The following MYT1L variants were observed in gnomAD, a reference collection of about 807,000 sequenced individuals.
The protein encoded by MYT1L is myelin transcription factor 1 like.
In MYT1L, 12 loss-of-function variants were observed where a neutral mutation model predicts 126.7. The observed-to-expected ratio is 0.09, with a 90% CI of 0.06 to 0.15. The LOEUF (loss-of-function observed/expected upper bound fraction) is 0.15. Ranked by LOEUF, MYT1L falls within the 10% of genes least tolerant of loss-of-function variation. The pLI, the probability that MYT1L is intolerant of heterozygous loss-of-function variation, is 1.00. For synonymous variants in MYT1L, 541 were observed against 604.2 expected (o/e 0.90, Z 1.53); for missense variants, 979 against 1,585.2 (o/e 0.62, Z 6.49).
chr2:1,791,370 T>C lies in MYT1L; in HGVS notation c.*497A>G. On this transcript the variant is annotated 3_prime_UTR_variant, in exon 25 of 25. Coordinates refer to ENST00000647738, the MANE Select transcript of MYT1L (RefSeq NM_001303052.2). This position sits in a 1 kb window ranked among gnomAD's most constrained non-coding sequence, Gnocchi z 6.0. ...TGAAACAATATGCACACAAAATGTA[T>C]TTCTTAAATTCCATAAAGTCCTCCA... 2.4e-6 allele frequency: 1 copy of C among 423,838 alleles called. No individual in the cohort carries two copies. The highest frequency in any genetic ancestry group is 4.8e-6 in the Non-Finnish European group (1 of 207,298). The allele number at this position is 423,838 out of a possible 1,614,324, so 26.3% of individuals were successfully genotyped here. A position where few individuals can be genotyped will look rare whatever the true frequency, so the allele number is the denominator to read the frequency against.
At chr2:2,150,317 T>C (rs1333789001) in intron 3 of MYT1L, among the ~76,000 whole-genome samples, 1 of 152,228 alleles carries the variant, frequency 6.6e-6, no homozygotes, top group Non-Finnish European at 1.5e-5. Flanking sequence ...TTCACATGTA[T>C]GGGCAATATA....
intron 18 of MYT1L, among the ~76,000 whole-genome samples, chr2:1,857,615 A>AT (rs1329057170): frequency 6.6e-6 from 1 of 152,104 alleles, no homozygotes; most frequent in Non-Finnish European, 1.5e-5. Context: ...GAAAAAATAG[A>AT]TTTTTTTCTT....
intron 8 of MYT1L, among the ~76,000 whole-genome samples, chr2:1,944,912 C>A (rs898721434): frequency 6.6e-6 from 1 of 152,168 alleles, no homozygotes; most frequent in Non-Finnish European, 1.5e-5. Flanking sequence ...ACACAGAGGG[C>A]AGGCATGCAC....
chr2:2,052,948 A>C (rs1055179407), intron 4 of MYT1L, among the ~76,000 whole-genome samples: 1 of 152,198 alleles, frequency 6.6e-6, no homozygotes, highest in African/African-American at 2.4e-5. Context: ...GATGCTCAGG[A>C]AATGTGAAAT....
chr2:2,018,620 C>G (rs1417623224), intron 4 of MYT1L, among the ~76,000 whole-genome samples: 1 of 152,202 alleles, frequency 6.6e-6, no homozygotes, highest in African/African-American at 2.4e-5. Context: ...ATGGTGCATG[C>G]TGCAAAGCAA....
rs66780734 is a variant in MYT1L at position 1,890,069 on chromosome 2, A to AT, written c.2284-593dup. On this transcript the variant is annotated intron_variant, in intron 15 of 24. Transcript: ENST00000647738. ...AAACTAAAATTTACCTTGTAATACA[A>AT]TTTTTTTTTTTTTTTTGAGGGACAG... Among the ~76,000 whole-genome samples, 1,015 of 145,740 alleles carry AT rather than the reference A, an allele frequency of 7.0e-3. 3 individuals carry two copies. The highest frequency in any genetic ancestry group is 0.029 in the South Asian group (132 of 4,516).
At chr2:2,240,718 T>C (rs1477090769) in intron 2 of MYT1L, among the ~76,000 whole-genome samples, 1 of 152,204 alleles carries the variant, frequency 6.6e-6, no homozygotes, top group Non-Finnish European at 1.5e-5. Flanking sequence ...AAATATATCA[T>C]AGCTTTCTTC....
chr2:1,829,092 C>T (rs909525696), intron 21 of MYT1L, among the ~76,000 whole-genome samples: 11 of 152,118 alleles, frequency 7.2e-5, no homozygotes, highest in Non-Finnish European at 1.2e-4. Context: ...CTCCCTGCAT[C>T]TACTGGCTGC....
At chr2:2,292,836 G>A (rs1187602534) in intron 1 of MYT1L, among the ~76,000 whole-genome samples, 1 of 152,112 alleles carries the variant, frequency 6.6e-6, no homozygotes, top group Non-Finnish European at 1.5e-5. Flanking sequence ...TTAACCCCAA[G>A]TCTGTACACA....
intron 23 of MYT1L, among the ~76,000 whole-genome samples, chr2:1,797,026 G>T (rs1327742438): frequency 6.6e-6 from 1 of 152,206 alleles, no homozygotes; most frequent in Non-Finnish European, 1.5e-5. Context: ...GCTCTGGTGT[G>T]AACTGAGTTG....
chr2:1,816,484 C>G (rs1470015620), intron 21 of MYT1L: 1 of 152,764 alleles, frequency 6.5e-6, no homozygotes, highest in Non-Finnish European at 1.5e-5. Context: ...ACTCACGATG[C>G]TTCCTCCCTC....
At chr2:2,287,921 A>G (rs997523271) in intron 1 of MYT1L, among the ~76,000 whole-genome samples, 6 of 152,252 alleles carry the variant, frequency 3.9e-5, no homozygotes, top group African/African-American at 1.4e-4. Context: ...ATTTAAGTAG[A>G]GTAATAGCTA....
intron 5 of MYT1L, among the ~76,000 whole-genome samples, chr2:1,991,085 G>C (rs1407854012): frequency 6.6e-6 from 1 of 152,188 alleles, no homozygotes; most frequent in Non-Finnish European, 1.5e-5. Context: ...GAAGAGCAGA[G>C]GAGCCATTGA....
chr2:2,043,450 C>T (rs2067788911), intron 4 of MYT1L, among the ~76,000 whole-genome samples: 1 of 152,164 alleles, frequency 6.6e-6, no homozygotes, highest in Non-Finnish European at 1.5e-5. Context: ...GCAGCCACAC[C>T]CTACAATGTG....
At chr2:2,267,910 A>C (rs890462301) in intron 2 of MYT1L, among the ~76,000 whole-genome samples, 1 of 152,058 alleles carries the variant, frequency 6.6e-6, no homozygotes, top group Non-Finnish European at 1.5e-5. Flanking sequence ...CCACATCCTA[A>C]GCTCCCACAC....
intron 3 of MYT1L, among the ~76,000 whole-genome samples, chr2:2,144,154 C>A (rs1322135058): frequency 6.6e-6 from 1 of 152,116 alleles, no homozygotes; most frequent in Admixed American, 6.5e-5. Flanking sequence ...AACCAATGTG[C>A]GTTGGTTGCA....
chr2:2,039,816 G>C (rs1278006622), intron 4 of MYT1L, among the ~76,000 whole-genome samples: 3 of 152,142 alleles, frequency 2.0e-5, no homozygotes, highest in Non-Finnish European at 4.4e-5. Flanking sequence ...CATGACACTT[G>C]GGAAGGAGCC....
intron 3 of MYT1L, among the ~76,000 whole-genome samples, chr2:2,113,014 G>A (rs2079671609): frequency 6.6e-6 from 1 of 152,196 alleles, no homozygotes; most frequent in South Asian, 2.1e-4. Flanking sequence ...GCCACTGGGT[G>A]CTGCTGTGGC....
chr2:2,259,630 G>T (rs1048156550), intron 2 of MYT1L, among the ~76,000 whole-genome samples: 1 of 152,098 alleles, frequency 6.6e-6, no homozygotes, highest in African/African-American at 2.4e-5. Flanking sequence ...TAGGATTAAT[G>T]GGAAAATTAA....
Sources: gnomAD v4.1 joint callset for allele counts (sites outside exome capture counted in the v4.1 genomes callset) on GRCh38, gnomAD v4.1.1 for gene constraint, Gnocchi (gnomAD v3.1) non-coding constraint, MANE v1.5 for transcripts, NCBI Gene and HGNC (gene_info 2026-07-23, HGNC 2026-07-21) for gene names.